Variants in SGCZ observed in about 807,000 individuals in gnomAD.
SGCZ encodes the protein zeta-sarcoglycan.
SGCZ carries 40 observed loss-of-function variants against 41.3 expected under a neutral mutation model. The observed-to-expected ratio is 0.97, with a 90% CI of 0.75 to 1.26. SGCZ has a LOEUF of 1.26. Ranked by LOEUF, SGCZ falls within the 50% of genes most tolerant of loss-of-function variation. The probability of loss-of-function intolerance (pLI) is 0.00; values close to 1 mark genes in which losing one functional copy is unlikely to be tolerated. For missense variants in SGCZ, 552 were observed against 369.8 expected, an observed-to-expected ratio of 1.49 and a Z score of -4.04; for synonymous variants, 206 against 137.5, an observed-to-expected ratio of 1.50 and a Z score of -3.49.
At chr8:15,097,889 TATATATATATATATATATATAC>T (rs1282540302) in intron 1 of SGCZ, among the ~76,000 whole-genome samples, 14 of 10,448 alleles carry the variant, frequency 1.3e-3, no homozygotes, top group East Asian at 0.013. Context: ...TATACGTGTG[TATATATATATATATATATATAC>T]GTGTGTATAT....
rs75311469 is a variant in SGCZ at position 15,055,840 on chromosome 8, T to C, written c.39+181745A>G. On this transcript the variant is annotated intron_variant, in intron 1 of 7. Transcript: ENST00000382080. ...CACGAACCCAGCCTGATAACTTGGA[T>C]GTGCCTCCCCATGCCTTTGCTGCTC... is the stretch of plus-strand genomic sequence containing the variant. Among the ~76,000 whole-genome samples the C allele has an allele frequency of 7.2e-3, 1,090 of 152,322 alleles. 13 individuals are homozygous for C. Among genetic ancestry groups the C allele is most frequent in the African/African-American group, 0.023 (950 of 41,574 alleles).
chr8:14,265,211 T>C (rs1799829276), intron 3 of SGCZ, among the ~76,000 whole-genome samples: 1 of 152,180 alleles, frequency 6.6e-6, no homozygotes, highest in Admixed American at 6.5e-5. Context: ...GTCCTGAGAA[T>C]ACCAGTCATT....
At chr8:14,421,600 T>C (rs543623130) in intron 2 of SGCZ, among the ~76,000 whole-genome samples, 1 of 152,120 alleles carries the variant, frequency 6.6e-6, no homozygotes, top group East Asian at 1.9e-4. Flanking sequence ...CTGAGAAAAA[T>C]ATGAAGTTTG....
At chr8:14,294,621 T>C (rs60361542) in intron 3 of SGCZ, among the ~76,000 whole-genome samples, 61 of 151,886 alleles carry the variant, frequency 4.0e-4, no homozygotes, top group Non-Finnish European at 1.8e-4. Flanking sequence ...GAGAAGAAAA[T>C]AAAAAGTCCA....
chr8:14,922,457 T>C (rs1799616663), intron 1 of SGCZ, among the ~76,000 whole-genome samples: 1 of 152,162 alleles, frequency 6.6e-6, no homozygotes, highest in Non-Finnish European at 1.5e-5. Context: ...TATTTTTTAT[T>C]TATTGTTATT....
At chr8:14,716,653 T>A (rs114441852) in intron 1 of SGCZ, among the ~76,000 whole-genome samples, 82 of 152,258 alleles carry the variant, frequency 5.4e-4, no homozygotes, top group African/African-American at 1.9e-3. Flanking sequence ...CTTAGGTTTC[T>A]TGCTGCACAC....
intron 1 of SGCZ, among the ~76,000 whole-genome samples, chr8:14,880,461 C>A (rs1221116033): frequency 1.3e-5 from 2 of 151,920 alleles, no homozygotes; most frequent in Admixed American, 6.6e-5. Flanking sequence ...GGGTATATAC[C>A]CAAAGGAGTA....
intron 1 of SGCZ, among the ~76,000 whole-genome samples, chr8:14,747,879 A>ATTTTTTT (rs375144725): frequency 1.5e-5 from 2 of 130,334 alleles, no homozygotes; most frequent in Non-Finnish European, 1.6e-5. Flanking sequence ...CAACTGACTA[A>ATTTTTTT]TTTTTTTTTT....
chr8:14,374,374 T>C (rs1804029109), intron 2 of SGCZ, among the ~76,000 whole-genome samples: 2 of 152,050 alleles, frequency 1.3e-5, no homozygotes, highest in Non-Finnish European at 2.9e-5. Flanking sequence ...ATTTGGTACA[T>C]AGGTAGATAG....
At chr8:14,290,487 T>C (rs1289157882) in intron 3 of SGCZ, among the ~76,000 whole-genome samples, 1 of 151,816 alleles carries the variant, frequency 6.6e-6, no homozygotes, top group African/African-American at 2.4e-5. Flanking sequence ...AACAACTCAA[T>C]AACAACAAAA....
At chr8:15,053,344 A>G (rs1804586678) in intron 1 of SGCZ, among the ~76,000 whole-genome samples, 1 of 152,074 alleles carries the variant, frequency 6.6e-6, no homozygotes, top group African/African-American at 2.4e-5. Context: ...TAAAGAATCT[A>G]CACTATTTTC....
chr8:14,229,311 A>G (rs548051390), intron 4 of SGCZ, among the ~76,000 whole-genome samples: 21 of 152,238 alleles, frequency 1.4e-4, no homozygotes, highest in African/African-American at 4.3e-4. Context: ...TTTTCAAAAC[A>G]TGATCACTAG....
intron 1 of SGCZ, among the ~76,000 whole-genome samples, chr8:14,852,433 AACT>A (rs1803362864): frequency 6.6e-6 from 1 of 152,236 alleles, no homozygotes; most frequent in African/African-American, 2.4e-5. Flanking sequence ...AGTAAACTGT[AACT>A]CAAGAAAGGA....
intron 1 of SGCZ, among the ~76,000 whole-genome samples, chr8:15,027,400 TA>T (rs33997727): frequency 1 from 151,429 of 152,138 alleles, 75,367 homozygotes; most frequent in Middle Eastern, 1. Flanking sequence ...TTGGCTCAAA[TA>T]AAAAAAGAAA....
At chr8:14,828,902 G>T (rs1441179389) in intron 1 of SGCZ, among the ~76,000 whole-genome samples, 1 of 152,088 alleles carries the variant, frequency 6.6e-6, no homozygotes, top group Non-Finnish European at 1.5e-5. Flanking sequence ...AGTTTCAATA[G>T]AAAATTAGTA....
intron 4 of SGCZ, among the ~76,000 whole-genome samples, chr8:14,183,791 T>C (rs1470515882): frequency 6.6e-6 from 1 of 152,188 alleles, no homozygotes; most frequent in Non-Finnish European, 1.5e-5. Flanking sequence ...TTAAGTTATA[T>C]TAAGCATTAT....
At chr8:14,573,139 A>T (rs533309510) in intron 1 of SGCZ, among the ~76,000 whole-genome samples, 3 of 151,848 alleles carry the variant, frequency 2.0e-5, no homozygotes, top group African/African-American at 7.3e-5. Context: ...GCATAACATG[A>T]AACAACTTCG....
At chr8:14,371,483 C>T (rs965302009) in intron 2 of SGCZ, among the ~76,000 whole-genome samples, 6 of 151,878 alleles carry the variant, frequency 4.0e-5, no homozygotes, top group Admixed American at 3.3e-4. Context: ...TTTCTAAATA[C>T]CCACACTAAT....
At position 15,038,814 on chromosome 8, in the gene SGCZ, C is replaced by CAA. The variant is rs58922339; in HGVS notation, c.39+198769_39+198770dup. Among the ~76,000 whole-genome samples the CAA allele has an allele frequency of 1.9e-3, 176 of 93,006 alleles. 2 individuals are homozygous for CAA. The highest frequency in any genetic ancestry group is 6.4e-3 in the African/African-American group (159 of 24,668). The allele number at this position is 93,006 out of a possible 152,430, so 61.0% of individuals were successfully genotyped here. ...GCAAAGGACCTGAACTGACATTTCT[C>CAA]AAAAAAAAAAAAAAAAAAAAAAAAA... On this transcript the variant is annotated intron_variant, in intron 1 of 7. Transcript: ENST00000382080.
Sources: gnomAD v4.1 joint callset for allele counts (sites outside exome capture counted in the v4.1 genomes callset) on GRCh38, gnomAD v4.1.1 for gene constraint, MANE v1.5 for transcripts, NCBI Gene and HGNC (gene_info 2026-07-23, HGNC 2026-07-21) for gene names.